Variants in MEI4 observed in about 807,000 individuals in gnomAD.
MEI4 encodes the protein meiotic double-stranded break formation protein 4.
A neutral mutation model predicts 31.4 loss-of-function variants in MEI4; 27 were observed. The ratio of observed to expected loss-of-function variants is 0.86; its 90% confidence interval spans 0.63 to 1.19. The LOEUF is 1.19. MEI4 is among the 50% of genes most tolerant of loss of function. The pLI is 0.00. For missense variants in MEI4, 329 were observed against 398.9 expected, an observed-to-expected ratio of 0.82 and a Z score of 1.49; for synonymous variants, 122 against 145.4, an observed-to-expected ratio of 0.84 and a Z score of 1.16.
At chr6:77,791,091 A>G (rs994717030) in intron 3 of MEI4, among the ~76,000 whole-genome samples, 1 of 152,094 alleles carries the variant, frequency 6.6e-6, no homozygotes, top group African/African-American at 2.4e-5. Context: ...GTGGGACTGT[A>G]AACTAGTTCA....
chr6:77,858,967 G>A (rs570799775), intron 4 of MEI4, among the ~76,000 whole-genome samples: 7 of 150,082 alleles, frequency 4.7e-5, no homozygotes, highest in African/African-American at 1.2e-4. Context: ...ATAGGTATAC[G>A]TGTGCCATGG....
intron 2 of MEI4, among the ~76,000 whole-genome samples, chr6:77,736,962 A>T (rs1195974323): frequency 6.6e-6 from 1 of 151,076 alleles, no homozygotes; most frequent in Non-Finnish European, 1.5e-5. Flanking sequence ...AATGTAAAGT[A>T]TAGGTAGAGG....
intron 1 of MEI4, among the ~76,000 whole-genome samples, chr6:77,687,571 G>A (rs1203913721): frequency 1.3e-5 from 2 of 152,114 alleles, no homozygotes; most frequent in Non-Finnish European, 2.9e-5. Flanking sequence ...GCCAGTTGCA[G>A]GTACTGGGCC....
intron 2 of MEI4, among the ~76,000 whole-genome samples, chr6:77,740,788 AAAT>A (rs1767380214): frequency 6.6e-6 from 1 of 151,906 alleles, no homozygotes. Context: ...ATATATTTAT[AAAT>A]AATGTTGAAC....
At chr6:77,834,334 TA>T (rs1390132864) in intron 4 of MEI4, among the ~76,000 whole-genome samples, 17 of 148,296 alleles carry the variant, frequency 1.1e-4, no homozygotes, top group African/African-American at 3.9e-4. Flanking sequence ...AAAATTAGTA[TA>T]ATTTTCTCTG....
At chr6:77,873,958 A>G (rs1053129776) in intron 4 of MEI4, among the ~76,000 whole-genome samples, 57 of 152,178 alleles carry the variant, frequency 3.7e-4, no homozygotes, top group Non-Finnish European at 6.2e-4. Context: ...TGTTCCATTG[A>G]TCTATATCTC....
At chr6:77,709,904 C>A (rs1766419315) in intron 2 of MEI4, among the ~76,000 whole-genome samples, 1 of 152,164 alleles carries the variant, frequency 6.6e-6, no homozygotes, top group Non-Finnish European at 1.5e-5. Context: ...AACCACAATG[C>A]ATCTTCTCCT....
chr6:77,737,227 G>A (rs1767272105), intron 2 of MEI4, among the ~76,000 whole-genome samples: 1 of 152,134 alleles, frequency 6.6e-6, no homozygotes, highest in African/African-American at 2.4e-5. Flanking sequence ...TATTTATTTA[G>A]GTTATCTGAT....
intron 4 of MEI4, among the ~76,000 whole-genome samples, chr6:77,859,212 G>T (rs901483416): frequency 2.0e-5 from 3 of 152,072 alleles, no homozygotes; most frequent in South Asian, 2.1e-4. Flanking sequence ...CCTTTTTATG[G>T]CTGCATAGTA....
At chr6:77,793,652 G>A (rs1768999691) in intron 3 of MEI4, among the ~76,000 whole-genome samples, 1 of 152,160 alleles carries the variant, frequency 6.6e-6, no homozygotes, top group Non-Finnish European at 1.5e-5. Flanking sequence ...TGGTGGAAGA[G>A]AGGAAAGAAG....
intron 1 of MEI4, among the ~76,000 whole-genome samples, chr6:77,671,231 A>G (rs1768735011): frequency 6.6e-6 from 1 of 151,490 alleles, no homozygotes; most frequent in Non-Finnish European, 1.5e-5. Context: ...TAATTTTTGT[A>G]TTTACTTTAG....
rs55947073 is a variant in MEI4 at position 77,883,745 on chromosome 6, A to ATATATATATATATATATATATATAT, written c.901-39344_901-39343insTATATATATATATATATATATATAT. On this transcript the variant is annotated intron_variant, in intron 4 of 4. Transcript: ENST00000684080. ...ATATATATATATATATATATATATAACTTTGTCTTTGTCTATTCATTTATT... is the reference window on the plus strand; with the variant it reads ...ATATATATATATATATATATATATAATATATATATATATATATATATATATCTTTGTCTTTGTCTATTCATTTATT... Among the ~76,000 whole-genome samples the ATATATATATATATATATATATATAT allele has an allele frequency of 1.3e-3, 103 of 82,280 alleles. 3 individuals carry two copies. The highest frequency in any genetic ancestry group is 1.9e-3 in the Non-Finnish European group (81 of 42,008). The allele number at this position is 82,280 out of a possible 152,430, so 54.0% of individuals were successfully genotyped here.
chr6:77,879,046 C>G (rs1007271491), intron 4 of MEI4, among the ~76,000 whole-genome samples: 2 of 151,952 alleles, frequency 1.3e-5, no homozygotes, highest in African/African-American at 4.8e-5. Context: ...TTAAGGAGAC[C>G]AGATATTTAT....
At chr6:77,663,381 G>C (rs192269690) in intron 1 of MEI4, among the ~76,000 whole-genome samples, 1 of 151,266 alleles carries the variant, frequency 6.6e-6, no homozygotes, top group Non-Finnish European at 1.5e-5. Context: ...GGGAGTAGAG[G>C]TGTCCTATAC....
At chr6:77,829,709 A>G (rs560128858) in intron 4 of MEI4, among the ~76,000 whole-genome samples, 1 of 152,284 alleles carries the variant, frequency 6.6e-6, no homozygotes, top group East Asian at 1.9e-4. Flanking sequence ...GGTTTATTAC[A>G]TGTATTCCAT....
At chr6:77,715,387 T>C (rs1426513934) in intron 2 of MEI4, among the ~76,000 whole-genome samples, 1 of 152,164 alleles carries the variant, frequency 6.6e-6, no homozygotes, top group African/African-American at 2.4e-5. Flanking sequence ...TCAGTGGAAA[T>C]GAGTTCTGTT....
At chr6:77,775,105 G>A (rs962681951) in intron 3 of MEI4, among the ~76,000 whole-genome samples, 16 of 151,932 alleles carry the variant, frequency 1.1e-4, no homozygotes, top group African/African-American at 3.1e-4. Context: ...ATTTGCGACG[G>A]CATTTAGGGA....
intron 2 of MEI4, among the ~76,000 whole-genome samples, chr6:77,717,201 A>T (rs1307311737): frequency 3.5e-5 from 4 of 113,678 alleles, no homozygotes; most frequent in Admixed American, 1.9e-4. Context: ...GCAGACAAAC[A>T]CGTGAACAAA....
chr6:77,668,593 C>T (rs946724735), intron 1 of MEI4, among the ~76,000 whole-genome samples: 2 of 152,102 alleles, frequency 1.3e-5, no homozygotes, highest in African/African-American at 4.8e-5. Context: ...AGTGTGTTCA[C>T]TTGGCAGCCA....
Sources: allele counts gnomAD v4.1 joint callset (sites outside exome capture counted in the v4.1 genomes callset), GRCh38; gene constraint gnomAD v4.1.1; transcripts MANE v1.5; gene names NCBI Gene and HGNC (gene_info 2026-07-23, HGNC 2026-07-21).